The following PSD3 variants were observed in gnomAD, a reference collection of about 807,000 sequenced individuals.
PSD3 encodes the protein PH and SEC7 domain-containing protein 3.
PSD3 carries 49 observed loss-of-function variants against 105.5 expected under a neutral mutation model. The observed-to-expected ratio is 0.46, with a 90% CI of 0.37 to 0.59. PSD3 has a LOEUF of 0.59. Ranked by LOEUF, PSD3 falls within the 20% of genes least tolerant of loss-of-function variation. PSD3 has a pLI of 0.00. For synonymous variants in PSD3, 557 were observed against 457.8 expected (o/e 1.22, Z -2.77); for missense variants, 1,561 against 1,263.8 (o/e 1.24, Z -3.57).
At chr8:18,865,620 G>A (rs1816868528) in intron 4 of PSD3, among the ~76,000 whole-genome samples, 1 of 151,968 alleles carries the variant, frequency 6.6e-6, no homozygotes, top group Admixed American at 6.6e-5. Flanking sequence ...CCAAGCCACT[G>A]GCAGTGCTCA....
At chr8:18,655,599 G>C (rs1808828955) in intron 10 of PSD3, 43 bp downstream of exon 10, 2 of 1,577,072 alleles carry the variant, frequency 1.3e-6, no homozygotes, top group Non-Finnish European at 1.7e-6. Flanking sequence ...TAGGAAAAAA[G>C]TGAGTAGTTC....
At chr8:19,084,673 C>A in exon 1 of PSD3, 1 of 343,580 alleles carries the variant, frequency 2.9e-6, no homozygotes, top group Non-Finnish European at 5.8e-6. Flanking sequence ...TTTTTCCTCC[C>A]TTCCTTCTTT....
At chr8:18,650,661 G>A (rs1393364771) in intron 10 of PSD3, among the ~76,000 whole-genome samples, 1 of 152,226 alleles carries the variant, frequency 6.6e-6, no homozygotes, top group Non-Finnish European at 1.5e-5. Flanking sequence ...CTAGGGCACA[G>A]CACTGGGCCA....
intron 9 of PSD3, among the ~76,000 whole-genome samples, chr8:18,680,442 A>T (rs1800317311): frequency 1.3e-5 from 2 of 152,348 alleles, no homozygotes; most frequent in South Asian, 4.1e-4. Flanking sequence ...GAAGGTCTGC[A>T]CTGCCCCCTC....
chr8:18,554,056 T>A (rs1800929211), intron 15 of PSD3, among the ~76,000 whole-genome samples: 1 of 152,192 alleles, frequency 6.6e-6, no homozygotes, highest in African/African-American at 2.4e-5. Context: ...GTGGGTTACA[T>A]TTTCAGAAAA....
At chr8:18,599,830 G>C (rs1252854733) in intron 12 of PSD3, among the ~76,000 whole-genome samples, 1 of 152,122 alleles carries the variant, frequency 6.6e-6, no homozygotes, top group African/African-American at 2.4e-5. Flanking sequence ...CCAATCTGTT[G>C]TGTGCATGGA....
intron 8 of PSD3, among the ~76,000 whole-genome samples, chr8:18,782,609 G>C (rs1412794295): frequency 6.6e-6 from 1 of 152,188 alleles, no homozygotes; most frequent in African/African-American, 2.4e-5. Flanking sequence ...CGTGGATATT[G>C]GTAAAAGCAG....
chr8:18,869,498 T>G (rs907684795), intron 3 of PSD3, among the ~76,000 whole-genome samples: 1 of 152,132 alleles, frequency 6.6e-6, no homozygotes, highest in Non-Finnish European at 1.5e-5. Flanking sequence ...CTTCAGGCAT[T>G]AGCCACACAG....
chr8:18,729,349 A>T (rs908347317), intron 9 of PSD3, among the ~76,000 whole-genome samples: 4 of 152,054 alleles, frequency 2.6e-5, no homozygotes, highest in African/African-American at 9.7e-5. Flanking sequence ...AGATTAACTG[A>T]CTCCTTTAAC....
chr8:18,594,964 C>T (rs1167701989), intron 12 of PSD3, among the ~76,000 whole-genome samples: 1 of 151,660 alleles, frequency 6.6e-6, no homozygotes, highest in East Asian at 1.9e-4. Context: ...CAGTGCTGAG[C>T]ATATGTAGGA....
chr8:18,936,540 G>A (rs1194611119), intron 1 of PSD3, among the ~76,000 whole-genome samples: 1 of 152,110 alleles, frequency 6.6e-6, no homozygotes, highest in Non-Finnish European at 1.5e-5. Context: ...AAAGCAGGTG[G>A]ATCACGATGT....
rs781370658 is a variant in PSD3, at chr8:18,872,008, G to A, written c.856C>T (p.Arg286Ter). Residue 286 changes from arginine (R) to a stop codon, truncating the protein, a stop_gained, in exon 3 of 16, where the codon CGA becomes TGA. Coordinates refer to ENST00000327040, the MANE Select transcript of PSD3 (RefSeq NM_015310.4). LOFTEE classifies it high-confidence loss of function. ...LGREHPGGCD[R>*]SSSMGRPGRV... ...CCTGGGCGTCCCATGGAGCTGCTTC[G>A]ATCACATCCCCCTGGGTGCTCTCTC... 3.7e-6 allele frequency: 6 copies of A among 1,613,930 alleles called. No homozygotes were observed. Among genetic ancestry groups the A allele is most frequent in the Non-Finnish European group, 4.2e-6 (5 of 1,180,014 alleles).
chr8:18,855,929 G>C (rs911424657), intron 4 of PSD3, among the ~76,000 whole-genome samples: 5 of 152,168 alleles, frequency 3.3e-5, no homozygotes, highest in African/African-American at 1.2e-4. Flanking sequence ...TGTTACAGAA[G>C]CTTTAGAAAG....
At chr8:18,919,926 A>ACCAGCAC (rs1339421022) in intron 2 of PSD3, among the ~76,000 whole-genome samples, 2 of 150,934 alleles carry the variant, frequency 1.3e-5, no homozygotes, top group Non-Finnish European at 2.9e-5. Context: ...GGTGCAGCGC[A>ACCAGCAC]CCAGCACGGC....
intron 1 of PSD3, among the ~76,000 whole-genome samples, chr8:18,969,890 A>G (rs1028243504): frequency 6.6e-6 from 1 of 152,194 alleles, no homozygotes; most frequent in African/African-American, 2.4e-5. Flanking sequence ...TCTCCCCACA[A>G]GGGATTTTTT....
chr8:18,751,569 C>G (rs1805492160), intron 9 of PSD3, among the ~76,000 whole-genome samples: 2 of 150,858 alleles, frequency 1.3e-5, no homozygotes, highest in East Asian at 4.0e-4. Context: ...AAATGATCAC[C>G]CGGAGGCGCC....
At chr8:18,557,366 G>A (rs1274609239) in intron 14 of PSD3, 1 of 152,224 alleles carries the variant, frequency 6.6e-6, no homozygotes, top group East Asian at 1.9e-4. Context: ...TACATAAACA[G>A]AAAATGAATA....
At chr8:18,637,541 A>G (rs1807350924) in intron 10 of PSD3, among the ~76,000 whole-genome samples, 1 of 152,194 alleles carries the variant, frequency 6.6e-6, no homozygotes, top group South Asian at 2.1e-4. Flanking sequence ...CCAGAATGGC[A>G]TATAAAATGG....
intron 2 of PSD3, among the ~76,000 whole-genome samples, chr8:18,880,434 G>A (rs1818034950): frequency 6.6e-6 from 1 of 152,336 alleles, no homozygotes; most frequent in South Asian, 2.1e-4. Context: ...TGTGAAGGAT[G>A]TGTAGCAGAG....
Sources: allele counts gnomAD v4.1 joint callset (sites outside exome capture counted in the v4.1 genomes callset), GRCh38; gene constraint gnomAD v4.1.1; transcripts MANE v1.5; gene names NCBI Gene and HGNC (gene_info 2026-07-23, HGNC 2026-07-21).